Variants in TCF25 observed in about 807,000 individuals in gnomAD.
TCF25 encodes the protein ribosome quality control complex subunit TCF25.
A neutral mutation model predicts 83.1 loss-of-function variants in TCF25; 41 were observed. The ratio of observed to expected loss-of-function variants is 0.49; its 90% CI spans 0.38 to 0.64. The LOEUF is 0.64. Ranked by LOEUF, TCF25 falls within the 30% of genes least tolerant of loss-of-function variation. The probability of loss-of-function intolerance (pLI) is 0.00; values close to 1 mark genes in which losing one functional copy is unlikely to be tolerated. For synonymous variants in TCF25, 458 were observed against 365.0 expected (o/e 1.25, Z -2.90); for missense variants, 979 against 914.5 (o/e 1.07, Z -0.91).
In TCF25 at chr16:89,910,639, A is replaced by C; in HGVS notation, c.1848A>C (p.Ser616=). Residue 616 remains serine (S), a synonymous_variant, in exon 17 of 18, where the codon TCA becomes TCC. Coordinates refer to ENST00000263346, the MANE Select transcript of TCF25 (RefSeq NM_014972.3). The part of the protein sequence containing the change: ...HGNTIALFFR[S]LLPNYTMEGE... ...ACACCATTGCTCTCTTCTTCCGGTC[A>C]CTGTTGCCAAACTATACCATGGAGG... The C allele has an allele frequency of 1.2e-6, 2 of 1,613,592 alleles. No individual in the cohort carries two copies. The highest frequency in any genetic ancestry group is 1.7e-6 in the Non-Finnish European group (2 of 1,179,952).
chr16:89,896,956 G>A (rs1278847987), intron 9 of TCF25, among the ~76,000 whole-genome samples: 1 of 152,032 alleles, frequency 6.6e-6, no homozygotes, highest in Non-Finnish European at 1.5e-5. Context: ...GAGCCCAGGA[G>A]GTCGAGGCTG....
intron 17 of TCF25, 46 bp from the exon 18 acceptor site, chr16:89,911,034 T>TCC (rs1308473678): frequency 6.2e-7 from 1 of 1,605,100 alleles, no homozygotes; most frequent in Non-Finnish European, 8.5e-7. Flanking sequence ...GGGCCCCTAG[T>TCC]CCCAGCACAG....
chr16:89,887,656 T>C lies in TCF25; in HGVS notation c.553T>C (p.Leu185=). The C allele has an allele frequency of 6.3e-7, 1 of 1,589,740 alleles. No homozygotes were observed. Among genetic ancestry groups the C allele is most frequent in the Non-Finnish European group, 8.5e-7 (1 of 1,172,386 alleles). ...KHVLYVEHRH[L]NPDTELKRYF... ...CTACAATTTTCAATTCCCCAGACAC[T>C]TGAATCCAGACACAGAACTGAAAAG... Residue 185 remains leucine, a synonymous_variant, in exon 5 of 18, where the codon TTG becomes CTG. Coordinates refer to ENST00000263346, the MANE Select transcript of TCF25 (RefSeq NM_014972.3).
chr16:89,881,815 C>CGCG (rs2042628755), intron 1 of TCF25, among the ~76,000 whole-genome samples: 1 of 152,088 alleles, frequency 6.6e-6, no homozygotes, highest in Non-Finnish European at 1.5e-5. Context: ...AGTGCAGTGG[C>CGCG]ATAATCTTGG....
intron 5 of TCF25, chr16:89,889,321 G>A (rs1209579203): frequency 3.3e-6 from 1 of 301,872 alleles, no homozygotes; most frequent in Non-Finnish European, 6.4e-6. Context: ...GGGACTACCG[G>A]CACATGCCAC....
At chr16:89,897,081 A>G (rs2043920757) in intron 9 of TCF25, among the ~76,000 whole-genome samples, 1 of 151,816 alleles carries the variant, frequency 6.6e-6, no homozygotes. Context: ...CCAGATCTCC[A>G]CAGTGGGCTC....
At chr16:89,893,958 C>T in intron 7 of TCF25, 100 bp downstream of exon 7, 4 of 1,498,682 alleles carry the variant, frequency 2.7e-6, no homozygotes, top group Non-Finnish European at 3.6e-6. Context: ...CATGCTGCCT[C>T]CTGCCCTTCC....
At chr16:89,891,708 G>A (rs1476913510) in intron 5 of TCF25, among the ~76,000 whole-genome samples, 4 of 152,210 alleles carry the variant, frequency 2.6e-5, no homozygotes, top group Non-Finnish European at 2.9e-5. Context: ...TGATGGGCAT[G>A]TGGATATTAG....
At chr16:89,910,508 C>CTGG in intron 16 of TCF25, 83 bp from the exon 17 acceptor site, 1 of 1,451,424 alleles carries the variant, frequency 6.9e-7, no homozygotes. Context: ...AGGGAGGCAG[C>CTGG]TGGCAGGCAG....
At chr16:89,903,227 A>G (rs2044494954) in intron 12 of TCF25, among the ~76,000 whole-genome samples, 1 of 152,230 alleles carries the variant, frequency 6.6e-6, no homozygotes, top group African/African-American at 2.4e-5. Context: ...CACTTACCCC[A>G]GAACACTGGA....
chr16:89,880,224 C>T (rs1024489536), intron 1 of TCF25, among the ~76,000 whole-genome samples: 7 of 152,152 alleles, frequency 4.6e-5, no homozygotes, highest in East Asian at 1.9e-4. Flanking sequence ...TTTATGAATT[C>T]GATTTGTCAA....
chr16:89,879,987 C>T (rs551190579), intron 1 of TCF25, among the ~76,000 whole-genome samples: 49 of 150,732 alleles, frequency 3.3e-4, no homozygotes, highest in African/African-American at 9.8e-4. Flanking sequence ...AGGACTATCA[C>T]GCGTGCTGTC....
Position 89,911,074 on chromosome 16 carries a change from C to T in TCF25, c.1873-6C>T, listed in dbSNP as rs139967795. On this transcript the variant is annotated splice_region_variant and splice_polypyrimidine_tract_variant and intron_variant, in intron 17 of 17. Coordinates refer to ENST00000263346, the MANE Select transcript of TCF25 (RefSeq NM_014972.3). ...CCCCCTTCTCAGACATGTCCCCTTG[C>T]TGCAGGGGGAGAGGCCCGAGGAAGG... 1,516 of 1,610,586 alleles carry T rather than the reference C, an allele frequency of 9.4e-4. 5 individuals are homozygous for T. Among genetic ancestry groups the T allele is most frequent in the Middle Eastern group, 2.4e-3 (11 of 4,556 alleles).
intron 15 of TCF25, 138 bp from the exon 16 acceptor site, chr16:89,907,105 C>G: frequency 1.2e-6 from 1 of 862,928 alleles, no homozygotes; most frequent in South Asian, 1.5e-5. Flanking sequence ...AAAGCACAGC[C>G]GTTTCTGTCA....
At chr16:89,873,976 T>G in intron 1 of TCF25, 117 bp downstream of exon 1, 10 of 1,050,114 alleles carry the variant, frequency 9.5e-6, no homozygotes, top group East Asian at 4.7e-5. Flanking sequence ...AAGGGTGACG[T>G]GGGTCCCAGC....
intron 6 of TCF25, 100 bp downstream of exon 6, chr16:89,892,375 TG>T: frequency 4.0e-6 from 3 of 748,396 alleles, no homozygotes; most frequent in Non-Finnish European, 3.7e-6. Context: ...CAGAGGCTGC[TG>T]GGGGTGGAGG....
intron 3 of TCF25, among the ~76,000 whole-genome samples, chr16:89,885,081 ACGCCC>A (rs1567702705): frequency 3.8e-5 from 4 of 105,360 alleles, no homozygotes; most frequent in African/African-American, 1.1e-4. Context: ...CCTCTGCCTG[ACGCCC>A]TCTCCCTCTG....
chr16:89,878,321 CATGCCGGTA>C lies in TCF25; in HGVS notation c.192+4465_192+4473del. ...CAACCTCAGGCTGGGTGCGGTGGCT[CATGCCGGTA>C]ATCCCAGCACTGTGGGAGGCCAAGG... On this transcript the variant is annotated intron_variant, in intron 1 of 17. Coordinates refer to ENST00000263346, the MANE Select transcript of TCF25 (RefSeq NM_014972.3). The C allele has an allele frequency of 4.4e-6, 3 of 684,512 alleles. No homozygotes were observed. In the South Asian group the frequency reaches 8.8e-5, roughly 20 times the overall value. The allele number at this position is 684,512 out of a possible 1,614,324, so 42.4% of individuals were successfully genotyped here.
chr16:89,910,914 C>A (rs1158131079), intron 17 of TCF25, among the ~76,000 whole-genome samples, 166 bp from the exon 18 acceptor site: 1 of 152,232 alleles, frequency 6.6e-6, no homozygotes, highest in Non-Finnish European at 1.5e-5. Context: ...GGTCTAGACA[C>A]GGCATTTGGT....
Sources: allele counts gnomAD v4.1 joint callset (sites outside exome capture counted in the v4.1 genomes callset), GRCh38; gene constraint gnomAD v4.1.1; transcripts MANE v1.5; gene names NCBI Gene and HGNC (gene_info 2026-07-23, HGNC 2026-07-21).